The following PCNX2 variants were observed in gnomAD, a reference collection of about 807,000 sequenced individuals.
PCNX2 encodes pecanex 2.
A neutral mutation model predicts 223.8 loss-of-function variants in PCNX2; 168 were observed. The observed-to-expected ratio is 0.75, with a 90% CI of 0.66 to 0.85. The LOEUF is 0.85. Among genes scored for constraint, PCNX2 ranks in the 40% least tolerant of loss-of-function variants. The pLI is 0.00. For missense variants in PCNX2, 2,507 were observed against 2,675.5 expected, an observed-to-expected ratio of 0.94 and a Z score of 1.39; for synonymous variants, 1,006 against 1,052.6, an observed-to-expected ratio of 0.96 and a Z score of 0.86.
At chr1:233,159,476 G>A (rs958390809) in intron 19 of PCNX2, among the ~76,000 whole-genome samples, 5 of 152,142 alleles carry the variant, frequency 3.3e-5, no homozygotes, top group Admixed American at 6.5e-5. Context: ...TAGATAACTC[G>A]CTAACAACTG....
chr1:233,034,684 G>T (rs542388243), intron 25 of PCNX2, among the ~76,000 whole-genome samples: 1 of 152,264 alleles, frequency 6.6e-6, no homozygotes, highest in South Asian at 2.1e-4. Flanking sequence ...GTTGGAAACC[G>T]AAGAATGGTT....
chr1:233,270,880 G>C (rs531532442), intron 1 of PCNX2, among the ~76,000 whole-genome samples: 26 of 152,260 alleles, frequency 1.7e-4, no homozygotes, highest in Non-Finnish European at 2.9e-4. Flanking sequence ...AGTTAGATTT[G>C]ACCATATCAG....
rs778411191 is a variant in PCNX2 at position 233,000,502 on chromosome 1, G to C, written c.5131C>G (p.Pro1711Ala). The C allele has an allele frequency of 3.1e-6, 5 of 1,603,348 alleles. No homozygotes were observed. The highest frequency in any genetic ancestry group is 1.7e-5 in the Admixed American group (1 of 59,022). Residue 1711 changes from proline to alanine, a missense_variant, in exon 30 of 34, where the codon CCA becomes GCA. This residue lies in a region of PCNX2 where 1,372 missense variants were observed against 1,509.4 expected (regional missense o/e 0.91). Transcript: ENST00000258229. The surrounding 1 kb of genome is among the most constrained non-coding windows in gnomAD (Gnocchi z 4.6). ...TGGATGGCCTCGTAGAGGACTGCTG[G>C]GTCTTCATACTCGTCAGGGCAAGTG... ...QFTCPDEYED[P>A]AVLYEAIQSF...
At chr1:233,111,261 G>A (rs555599877) in intron 21 of PCNX2, among the ~76,000 whole-genome samples, 2 of 152,248 alleles carry the variant, frequency 1.3e-5, no homozygotes, top group Admixed American at 1.3e-4. Context: ...CAGCAGACTG[G>A]TGCCTACCTA....
intron 15 of PCNX2, among the ~76,000 whole-genome samples, chr1:233,189,901 A>G (rs1680320512): frequency 6.6e-6 from 1 of 152,202 alleles, no homozygotes; most frequent in African/African-American, 2.4e-5. Flanking sequence ...GTTTCTGTAG[A>G]TCACTGTCAA....
intron 12 of PCNX2, among the ~76,000 whole-genome samples, chr1:233,217,031 G>T (rs775221336): frequency 6.6e-6 from 1 of 152,184 alleles, no homozygotes; most frequent in Non-Finnish European, 1.5e-5. Context: ...TAGAAAAAGC[G>T]AATAGAATGG....
chr1:233,209,820 A>AT (rs1203062423), intron 12 of PCNX2, among the ~76,000 whole-genome samples: 1 of 152,190 alleles, frequency 6.6e-6, no homozygotes, highest in Non-Finnish European at 1.5e-5. Context: ...CTTTTGTTGC[A>AT]TTTTTAAAAA....
chr1:233,258,612 G>C lies in PCNX2; in HGVS notation c.1250C>G (p.Ala417Gly). 2 of 1,613,908 alleles carry C rather than the reference G, an allele frequency of 1.2e-6. No individual in the cohort carries two copies. The highest frequency in any genetic ancestry group is 1.7e-6 in the Non-Finnish European group (2 of 1,179,856). The change falls in exon 5 of 34, where the codon GCG becomes GGG. Residue 417 changes from alanine to glycine, a missense_variant. By Grantham distance (60) the Ala-to-Gly change is moderately conservative (BLOSUM62 0). This residue lies in a region of PCNX2 where 1,031 missense variants were observed against 1,021.7 expected (regional missense o/e 1.01). Transcript: ENST00000258229. ...CTGCTCGGCATTTGGAGAACCGGCC[G>C]CCCCTGGGTTAGTGGGCTCAGCGTC... is the stretch of plus-strand genomic sequence containing the variant. ...KSDAEPTNPG[A>G]AGSPNAEQIS...
At chr1:233,089,901 G>A (rs1673784046) in intron 23 of PCNX2, 160 bp downstream of exon 23, 2 of 1,416,020 alleles carry the variant, frequency 1.4e-6, no homozygotes, top group Admixed American at 3.2e-5. Context: ...CCCAAGAGCT[G>A]AGTCAATGAA....
At chr1:233,017,543 C>A (rs563381306) in intron 26 of PCNX2, among the ~76,000 whole-genome samples, 173 of 152,204 alleles carry the variant, frequency 1.1e-3, no homozygotes, top group South Asian at 2.7e-3. Context: ...GTCTCGATCT[C>A]CTGACCTCGT....
chr1:233,293,834 G>C (rs1201357226), intron 1 of PCNX2: 12 of 483,628 alleles, frequency 2.5e-5, no homozygotes, highest in African/African-American at 4.2e-5. Flanking sequence ...ATTAGGTCTA[G>C]TGAGCAGCAG....
In PCNX2 at chr1:233,001,517, TA is replaced by T. The variant is rs1553271768; in HGVS notation, c.5097+19del. 3.2e-6 allele frequency: 4 copies of T among 1,240,500 alleles called. No homozygotes were observed. Among genetic ancestry groups the T allele is most frequent in the Middle Eastern group, 2.4e-4 (1 of 4,118 alleles). 76.8% of individuals were successfully genotyped at this position (1,240,500 alleles called of 1,614,324 possible). A position where few individuals can be genotyped will look rare whatever the true frequency, so the allele number is the denominator to read the frequency against. ...ATAAATAAATAAATAAATAAATAAATAAATAAAATAGGTTTTTACCTGGTGA... is the reference window on the plus strand; with the variant it reads ...ATAAATAAATAAATAAATAAATAAATAATAAAATAGGTTTTTACCTGGTGA... On this transcript the variant is annotated intron_variant, in intron 29 of 33. Coordinates refer to ENST00000258229, the MANE Select transcript of PCNX2 (RefSeq NM_014801.4). The surrounding 1 kb of genome is among the most constrained non-coding windows in gnomAD (Gnocchi z 4.2).
chr1:233,297,224 T>C (rs1274204477), upstream of PCNX2, among the ~76,000 whole-genome samples: 1 of 152,240 alleles, frequency 6.6e-6, no homozygotes, highest in Non-Finnish European at 1.5e-5. Context: ...TGTTCCCACA[T>C]GGAGGTTGTG....
intron 26 of PCNX2, among the ~76,000 whole-genome samples, chr1:233,024,289 G>C (rs59664898): frequency 0.13 from 19,280 of 152,198 alleles, 1,331 homozygotes; most frequent in African/African-American, 0.16. Context: ...TTTTCATTCT[G>C]TGTTTCTTAT....
At chr1:233,059,318 AT>A (rs1347253700) in intron 23 of PCNX2, among the ~76,000 whole-genome samples, 3 of 152,296 alleles carry the variant, frequency 2.0e-5, no homozygotes, top group Admixed American at 2.0e-4. Context: ...GGCAGCTAAC[AT>A]TTATGTAGCA....
intron 21 of PCNX2, among the ~76,000 whole-genome samples, chr1:233,133,334 A>C (rs191491179): frequency 1.3e-5 from 2 of 152,324 alleles, no homozygotes; most frequent in African/African-American, 4.8e-5. Context: ...ATAGTTAATG[A>C]AGGAAAATAG....
At chr1:233,257,591 T>A (rs1277908424) in intron 5 of PCNX2, among the ~76,000 whole-genome samples, 3 of 152,202 alleles carry the variant, frequency 2.0e-5, no homozygotes, top group African/African-American at 7.2e-5. Context: ...CAACATGGGA[T>A]AATTAGCGGA....
intron 21 of PCNX2, among the ~76,000 whole-genome samples, chr1:233,124,371 C>A (rs1675982509): frequency 1.3e-5 from 2 of 152,080 alleles, no homozygotes; most frequent in African/African-American, 4.8e-5. Context: ...CGAAAAAGAT[C>A]AATAAATCTG....
In PCNX2 at chr1:233,016,988, A is replaced by C. The variant is rs567156613; in HGVS notation, c.4772T>G (p.Ile1591Ser). Residue 1591 changes from isoleucine (I) to serine (S), a missense_variant, in exon 27 of 34, where the codon ATC becomes AGC. This residue lies in a region of PCNX2 where 1,372 missense variants were observed against 1,509.4 expected (regional missense o/e 0.91). Coordinates refer to ENST00000258229, the MANE Select transcript of PCNX2 (RefSeq NM_014801.4). ...AACATTGCAGAAGCTAGCTCGTGTG[A>C]TCCCCTGGAGACACGGGACGTAGTC... is the stretch of plus-strand genomic sequence containing the variant. The part of the protein sequence containing the change: ...DDDYVPCLQG[I>S]TRASFCNVYL... The C allele has an allele frequency of 1.2e-5, 19 of 1,613,792 alleles. No homozygotes were observed. The highest frequency in any genetic ancestry group is 1.4e-5 in the Non-Finnish European group (17 of 1,179,740).
Sources: gnomAD v4.1 joint callset for allele counts (sites outside exome capture counted in the v4.1 genomes callset) on GRCh38, gnomAD v4.1.1 for gene constraint, gnomAD v4.1.1 regional missense constraint, Gnocchi (gnomAD v3.1) non-coding constraint, MANE v1.5 for transcripts, NCBI Gene and HGNC (gene_info 2026-07-23, HGNC 2026-07-21) for gene names.